ANKS1A: variants seen among roughly 807,000 people sequenced by gnomAD.
The protein encoded by ANKS1A is ankyrin repeat and sterile alpha motif domain containing 1A.
Under a neutral mutation model 120.3 loss-of-function variants are expected in ANKS1A, and 55 were observed. The observed-to-expected ratio is 0.46, with a 90% CI of 0.37 to 0.57. The LOEUF (loss-of-function observed/expected upper bound fraction) is 0.57. Among genes scored for constraint, ANKS1A ranks in the 20% least tolerant of loss-of-function variants. The pLI, the probability that ANKS1A is intolerant of heterozygous loss-of-function variation, is 0.00. For missense variants in ANKS1A, 1,123 were observed against 1,480.3 expected, an observed-to-expected ratio of 0.76 and a Z score of 3.96; for synonymous variants, 590 against 604.7, an observed-to-expected ratio of 0.98 and a Z score of 0.36.
chr6:35,081,677 G>A (rs1244425786), intron 17 of ANKS1A, among the ~76,000 whole-genome samples: 2 of 152,220 alleles, frequency 1.3e-5, no homozygotes, highest in Non-Finnish European at 2.9e-5. Flanking sequence ...CTGCAGCCCC[G>A]TGGGGGGCAC....
chr6:35,038,150 C>T (rs932130988), intron 11 of ANKS1A: 5 of 455,984 alleles, frequency 1.1e-5, no homozygotes, highest in African/African-American at 4.0e-5. Flanking sequence ...AACTCCAACC[C>T]GCACCCCCAT....
At chr6:35,039,117 CAT>C (rs1050469164) in intron 11 of ANKS1A, among the ~76,000 whole-genome samples, 85 of 148,050 alleles carry the variant, frequency 5.7e-4, no homozygotes, top group African/African-American at 1.9e-3. Context: ...GCATTTTTAT[CAT>C]GTGTAAGTTC....
chr6:34,930,901 G>T (rs1208969210), intron 1 of ANKS1A, among the ~76,000 whole-genome samples: 1 of 150,704 alleles, frequency 6.6e-6, no homozygotes, highest in Non-Finnish European at 1.5e-5. Flanking sequence ...TTTTGAGAAG[G>T]AGTGTGGCTC....
At chr6:34,936,953 T>C (rs753105496) in intron 1 of ANKS1A, among the ~76,000 whole-genome samples, 7 of 152,226 alleles carry the variant, frequency 4.6e-5, no homozygotes, top group Non-Finnish European at 1.0e-4. Flanking sequence ...CAAAGATGAA[T>C]CTCATGTAGG....
chr6:34,965,229 T>G (rs182074875), intron 1 of ANKS1A, among the ~76,000 whole-genome samples: 1 of 152,360 alleles, frequency 6.6e-6, no homozygotes, highest in Admixed American at 6.5e-5. Flanking sequence ...TTTTTTCTCC[T>G]TAACATTATA....
intron 11 of ANKS1A, among the ~76,000 whole-genome samples, chr6:35,030,135 A>C (rs974720712): frequency 6.6e-6 from 1 of 152,232 alleles, no homozygotes; most frequent in Non-Finnish European, 1.5e-5. Context: ...TTTAGAATAT[A>C]GGTGAGCTAA....
Position 35,089,720 on chromosome 6 carries a change from T to C in ANKS1A, c.*1111T>C. The C allele has an allele frequency of 1.0e-6, 1 of 996,506 alleles. No homozygotes were observed. Among genetic ancestry groups the C allele is most frequent in the Non-Finnish European group, 1.2e-6 (1 of 836,868 alleles). The allele number at this position is 996,506 out of a possible 1,614,324, so 61.7% of individuals were successfully genotyped here. A position where few individuals can be genotyped will look rare whatever the true frequency, so the allele number is the denominator to read the frequency against. On this transcript the variant is annotated 3_prime_UTR_variant, in exon 24 of 24. Coordinates refer to ENST00000360359, the MANE Select transcript of ANKS1A (RefSeq NM_015245.3). The stretch of plus-strand genomic sequence containing the variant: ...CCCGGTGCGCCTCTGCTTCTTAAGC[T>C]TTCCTGCTGCTCGCTTTGTTTTTAA...
chr6:35,057,559 C>T lies in ANKS1A; in HGVS notation c.2078-2588C>T, dbSNP rs922137211. ...ATTTAGAAGCCCTGGACTTCTGTCCCTGTACCTGTTTTATCTTTTTGGCCT... is the reference window on the plus strand; with the variant it reads ...ATTTAGAAGCCCTGGACTTCTGTCCTTGTACCTGTTTTATCTTTTTGGCCT... On this transcript the variant is annotated intron_variant, in intron 12 of 23. Coordinates refer to ENST00000360359, the MANE Select transcript of ANKS1A (RefSeq NM_015245.3). This position sits in a 1 kb window ranked among gnomAD's most constrained non-coding sequence, Gnocchi z 4.1. Among the ~76,000 whole-genome samples the T allele has an allele frequency of 4.6e-5, 7 of 152,184 alleles. No individual in the cohort carries two copies. The highest frequency in any genetic ancestry group is 1.7e-4 in the African/African-American group (7 of 41,450).
intron 3 of ANKS1A, among the ~76,000 whole-genome samples, chr6:34,970,868 A>G (rs893240296): frequency 6.6e-6 from 1 of 151,730 alleles, no homozygotes; most frequent in Non-Finnish European, 1.5e-5. Flanking sequence ...AAAAGGCCGG[A>G]TGTGGTGGCA....
In ANKS1A at chr6:34,989,292, G is replaced by A; in HGVS notation, c.1278G>A (p.Lys426=). ...DEEEEDHIDK[K]YFPLTASEVL... ...AGGAAGAAGACCACATAGATAAGAA[G>A]TATTTTCCCTTGACAGCTTCTGAGG... The change falls in exon 9 of 24, where the codon AAG becomes AAA. Residue 426 remains lysine (K), a synonymous_variant. Transcript: ENST00000360359. The A allele has an allele frequency of 1.8e-5, 29 of 1,614,002 alleles. No individual in the cohort carries two copies. Among genetic ancestry groups the A allele is most frequent in the Non-Finnish European group, 2.5e-5 (29 of 1,179,902 alleles).
intron 11 of ANKS1A, among the ~76,000 whole-genome samples, chr6:35,041,873 A>G (rs1045302310): frequency 9.9e-5 from 15 of 152,234 alleles, no homozygotes; most frequent in Non-Finnish European, 1.5e-4. Context: ...CTATTGGGCT[A>G]CTTTGAGGAC....
chr6:35,051,150 C>T (rs1268641971), intron 11 of ANKS1A, among the ~76,000 whole-genome samples: 3 of 151,820 alleles, frequency 2.0e-5, no homozygotes, highest in Non-Finnish European at 4.4e-5. Flanking sequence ...GCCATGATTG[C>T]GCCACTGCAC....
At chr6:34,938,279 T>C (rs1769356390) in intron 1 of ANKS1A, among the ~76,000 whole-genome samples, 1 of 152,216 alleles carries the variant, frequency 6.6e-6, no homozygotes, top group Non-Finnish European at 1.5e-5. Flanking sequence ...AAAAAATCAA[T>C]CTTATTTAGG....
At chr6:35,039,090 G>GT (rs1554150014) in intron 11 of ANKS1A, among the ~76,000 whole-genome samples, 2 of 26,452 alleles carry the variant, frequency 7.6e-5, no homozygotes, top group East Asian at 3.5e-3. Flanking sequence ...GTGTGTGTGT[G>GT]TGGGGGGGGG....
At chr6:35,039,610 G>A (rs1453204027) in intron 11 of ANKS1A, 2 of 456,742 alleles carry the variant, frequency 4.4e-6, no homozygotes, top group Admixed American at 2.3e-5. Context: ...AAATTAAGGG[G>A]CTACTGCCAC....
In ANKS1A at chr6:35,089,494, G is replaced by A. The variant is rs1020333214; in HGVS notation, c.*885G>A. ...TTTGGGGCATTAATGCTTGGAGTGG[G>A]GTCAGCTAAGGTTGCTACTTGCCAA... is the stretch of plus-strand genomic sequence containing the variant. On this transcript the variant is annotated 3_prime_UTR_variant, in exon 24 of 24. Transcript: ENST00000360359. 4.2e-5 allele frequency: 41 copies of A among 986,438 alleles called. No homozygotes were observed. Among genetic ancestry groups the A allele is most frequent in the African/African-American group, 2.8e-4 (16 of 57,228 alleles). 61.1% of individuals were successfully genotyped at this position (986,438 alleles called of 1,614,324 possible).
intron 1 of ANKS1A, among the ~76,000 whole-genome samples, chr6:34,933,275 C>T (rs904139451): frequency 3.3e-5 from 5 of 152,122 alleles, no homozygotes; most frequent in African/African-American, 9.7e-5. Context: ...CTTTTGTGGA[C>T]GAAATGTCTT....
chr6:34,945,557 C>T (rs1043014894), intron 1 of ANKS1A, among the ~76,000 whole-genome samples: 1 of 152,134 alleles, frequency 6.6e-6, no homozygotes, highest in South Asian at 2.1e-4. Context: ...GGGTTGCTTT[C>T]TGGGCTCTCT....
At chr6:34,996,630 G>A (rs1289444735) in intron 10 of ANKS1A, among the ~76,000 whole-genome samples, 4 of 151,938 alleles carry the variant, frequency 2.6e-5, no homozygotes, top group African/African-American at 7.3e-5. Flanking sequence ...GTGCTACCAC[G>A]CCCAGCTAAT....
Sources: allele counts gnomAD v4.1 joint callset (sites outside exome capture counted in the v4.1 genomes callset), GRCh38; gene constraint gnomAD v4.1.1; non-coding constraint Gnocchi (gnomAD v3.1); transcripts MANE v1.5; gene names NCBI Gene and HGNC (gene_info 2026-07-23, HGNC 2026-07-21).